PDSS2: variants seen among roughly 807,000 people sequenced by gnomAD.
PDSS2 encodes the protein decaprenyl diphosphate synthase subunit 2, also known as all trans-polyprenyl-diphosphate synthase PDSS2.
PDSS2 carries 31 observed loss-of-function variants against 44.5 expected under a neutral mutation model. The ratio of observed to expected loss-of-function variants is 0.70; its 90% CI spans 0.52 to 0.94. The LOEUF is 0.94. PDSS2 is among the 40% of genes least tolerant of loss of function. The pLI is 0.00. For missense variants in PDSS2, 452 were observed against 482.2 expected, an observed-to-expected ratio of 0.94 and a Z score of 0.59; for synonymous variants, 157 against 180.3, an observed-to-expected ratio of 0.87 and a Z score of 1.03.
chr6:107,249,322 T>A (rs1476966282), intron 3 of PDSS2, among the ~76,000 whole-genome samples: 1 of 152,222 alleles, frequency 6.6e-6, no homozygotes, highest in African/African-American at 2.4e-5. Context: ...ATGGTATTTT[T>A]AAAATTGTGT....
At chr6:107,155,338 C>A (rs1424290430) in intron 7 of PDSS2, among the ~76,000 whole-genome samples, 1 of 151,632 alleles carries the variant, frequency 6.6e-6, no homozygotes. Context: ...GTAGAGACAG[C>A]GTTTTGCCAT....
intron 4 of PDSS2, among the ~76,000 whole-genome samples, chr6:107,234,338 T>C (rs1329385951): frequency 6.6e-6 from 1 of 152,130 alleles, no homozygotes; most frequent in East Asian, 1.9e-4. Context: ...CCCGGGTAGC[T>C]GGGACTATAG....
At chr6:107,383,929 G>A (rs146788182) in intron 1 of PDSS2, among the ~76,000 whole-genome samples, 4 of 152,264 alleles carry the variant, frequency 2.6e-5, no homozygotes, top group African/African-American at 9.6e-5. Flanking sequence ...ACACCAAAGA[G>A]AAATGAAAAC....
At chr6:107,402,479 C>CATATATATACATATATATGTATACAT (rs35496296) in intron 1 of PDSS2, among the ~76,000 whole-genome samples, 1 of 43,370 alleles carries the variant, frequency 2.3e-5, no homozygotes. Context: ...TATATGTATA[C>CATATATATACATATATATGTATACAT]ATATATACGT....
intron 1 of PDSS2, among the ~76,000 whole-genome samples, chr6:107,456,541 A>T (rs1442645904): frequency 6.6e-6 from 1 of 152,232 alleles, no homozygotes; most frequent in African/African-American, 2.4e-5. Context: ...TTAGAAAAAT[A>T]ACAATGTAAT....
intron 1 of PDSS2, among the ~76,000 whole-genome samples, chr6:107,379,615 T>C (rs1164580599): frequency 6.6e-6 from 1 of 152,236 alleles, no homozygotes; most frequent in African/African-American, 2.4e-5. Flanking sequence ...TAACTTGTTA[T>C]CTTTATTTTG....
intron 6 of PDSS2, among the ~76,000 whole-genome samples, chr6:107,197,356 G>C (rs959831237): frequency 3.3e-5 from 5 of 151,820 alleles, no homozygotes; most frequent in African/African-American, 1.2e-4. Context: ...TGTTGTCCCA[G>C]CTACTTGGGA....
At chr6:107,186,083 G>A (rs1241806852) in intron 7 of PDSS2, among the ~76,000 whole-genome samples, 1 of 152,124 alleles carries the variant, frequency 6.6e-6, no homozygotes, top group Non-Finnish European at 1.5e-5. Context: ...TTCCATCTTT[G>A]CCCACTGCCC....
At chr6:107,249,885 G>C (rs1365137506) in intron 3 of PDSS2, among the ~76,000 whole-genome samples, 2 of 152,112 alleles carry the variant, frequency 1.3e-5, no homozygotes, top group Non-Finnish European at 2.9e-5. Flanking sequence ...ATAGTATCCA[G>C]GTGTATCTGA....
intron 1 of PDSS2, among the ~76,000 whole-genome samples, chr6:107,374,672 C>T (rs577918208): frequency 3.9e-5 from 6 of 152,292 alleles, no homozygotes; most frequent in East Asian, 3.9e-4. Context: ...CTAGGGAAGA[C>T]GGTGCTGGAC....
At chr6:107,217,997 A>G (rs561910081) in intron 4 of PDSS2, among the ~76,000 whole-genome samples, 3 of 152,326 alleles carry the variant, frequency 2.0e-5, no homozygotes, top group Admixed American at 6.5e-5. Context: ...ACTATCATTC[A>G]CTAATCAAAA....
At chr6:107,307,553 A>T (rs1776901176) in intron 2 of PDSS2, among the ~76,000 whole-genome samples, 1 of 151,102 alleles carries the variant, frequency 6.6e-6, no homozygotes, top group Admixed American at 6.6e-5. Context: ...GGCAGTTGAG[A>T]GGGTGGCTGT....
intron 3 of PDSS2, among the ~76,000 whole-genome samples, chr6:107,258,909 TA>T (rs1247577788): frequency 6.6e-6 from 1 of 152,250 alleles, no homozygotes; most frequent in Non-Finnish European, 1.5e-5. Flanking sequence ...CCAGGATTGA[TA>T]ACTGCAAAAT....
intron 1 of PDSS2, among the ~76,000 whole-genome samples, chr6:107,455,150 T>A (rs72943542): frequency 0.067 from 10,059 of 150,988 alleles, 415 homozygotes; most frequent in Non-Finnish European, 0.092. Flanking sequence ...CACTGTACTA[T>A]AGTACTACAA....
intron 1 of PDSS2, among the ~76,000 whole-genome samples, chr6:107,407,131 A>T (rs960947939): frequency 1.3e-5 from 2 of 152,234 alleles, no homozygotes; most frequent in Non-Finnish European, 2.9e-5. Flanking sequence ...AAGGAAAGAA[A>T]TTCTGATATA....
intron 2 of PDSS2, among the ~76,000 whole-genome samples, chr6:107,302,019 T>C (rs976393092): frequency 6.6e-6 from 1 of 151,238 alleles, no homozygotes; most frequent in African/African-American, 2.4e-5. Context: ...TAAAATTAGA[T>C]AGTAATGATA....
At chr6:107,447,420 C>T (rs1781723262) in intron 1 of PDSS2, among the ~76,000 whole-genome samples, 1 of 152,212 alleles carries the variant, frequency 6.6e-6, no homozygotes, top group Non-Finnish European at 1.5e-5. Context: ...GTAAATACAT[C>T]TGTTCCAAAT....
chr6:107,390,749 C>T (rs1779754253), intron 1 of PDSS2, among the ~76,000 whole-genome samples: 1 of 152,050 alleles, frequency 6.6e-6, no homozygotes, highest in Non-Finnish European at 1.5e-5. Flanking sequence ...ATAAATCTAA[C>T]ATTATTCCAA....
At chr6:107,453,593 G>A (rs942105511) in intron 1 of PDSS2, among the ~76,000 whole-genome samples, 3 of 152,020 alleles carry the variant, frequency 2.0e-5, no homozygotes, top group Admixed American at 1.3e-4. Context: ...TGCCAATACC[G>A]CAGTGTTTTG....
Sources: allele counts gnomAD v4.1 joint callset (sites outside exome capture counted in the v4.1 genomes callset), GRCh38; gene constraint gnomAD v4.1.1; transcripts MANE v1.5; gene names NCBI Gene and HGNC (gene_info 2026-07-23, HGNC 2026-07-21).